The following ATP13A4 variants were observed in gnomAD, a reference collection of about 807,000 sequenced individuals.
ATP13A4 encodes probable cation-transporting ATPase 13A4.
ATP13A4 carries 114 observed loss-of-function variants against 142.5 expected under a neutral mutation model. That is an observed-to-expected ratio of 0.80 (90% confidence interval 0.69 to 0.93). The LOEUF is 0.93. ATP13A4 is among the 40% of genes least tolerant of loss of function. The pLI, the probability that ATP13A4 is intolerant of heterozygous loss-of-function variation, is 0.00. For synonymous variants in ATP13A4, 488 were observed against 514.8 expected, an observed-to-expected ratio of 0.95 and a Z score of 0.70; for missense variants, 1,392 against 1,454.0, an observed-to-expected ratio of 0.96 and a Z score of 0.69.
chr3:193,524,505 G>A (rs1721893849), intron 1 of ATP13A4, among the ~76,000 whole-genome samples: 2 of 152,240 alleles, frequency 1.3e-5, no homozygotes, highest in Admixed American at 1.3e-4. Context: ...AAATCTGAGA[G>A]GTGTAAGACA....
At chr3:193,585,668 T>C (rs1287373286) in intron 1 of ATP13A4, among the ~76,000 whole-genome samples, 1 of 152,172 alleles carries the variant, frequency 6.6e-6, no homozygotes, top group Non-Finnish European at 1.5e-5. Context: ...TGTTGTTACA[T>C]GTATCCGCAG....
At chr3:193,416,061 T>A (rs1560172196) in intron 25 of ATP13A4, among the ~76,000 whole-genome samples, 1 of 152,206 alleles carries the variant, frequency 6.6e-6, no homozygotes, top group Non-Finnish European at 1.5e-5. Flanking sequence ...TTTGTTTGTT[T>A]GTTTGTTTGT....
intron 1 of ATP13A4, among the ~76,000 whole-genome samples, chr3:193,583,830 C>A (rs897112945): frequency 2.0e-5 from 3 of 152,004 alleles, no homozygotes; most frequent in African/African-American, 7.2e-5. Flanking sequence ...AGTGTCACTG[C>A]AAAACAAAAT....
chr3:193,534,722 G>A (rs1250234298), intron 1 of ATP13A4, among the ~76,000 whole-genome samples: 1 of 152,012 alleles, frequency 6.6e-6, no homozygotes, highest in East Asian at 1.9e-4. Flanking sequence ...GCACCTCAGA[G>A]GTCTGTGAGA....
At chr3:193,588,233 A>G (rs1724702284) in intron 1 of ATP13A4, among the ~76,000 whole-genome samples, 1 of 152,192 alleles carries the variant, frequency 6.6e-6, no homozygotes, top group South Asian at 2.1e-4. Flanking sequence ...ATGTGACCCA[A>G]AGCTTCACCT....
At chr3:193,572,925 C>T (rs183789484) in intron 2 of ATP13A4, among the ~76,000 whole-genome samples, 4 of 148,086 alleles carry the variant, frequency 2.7e-5, no homozygotes, top group Non-Finnish European at 4.4e-5. Context: ...CTCAGGAGTT[C>T]GAGACCAACC....
chr3:193,438,977 G>T (rs1716463553), intron 22 of ATP13A4, 46 bp downstream of exon 22: 2 of 1,552,636 alleles, frequency 1.3e-6, no homozygotes, highest in Non-Finnish European at 1.8e-6. Flanking sequence ...GGGCTTAAGT[G>T]TAATCGAATG....
chr3:193,453,348 T>C (rs1467693477), intron 17 of ATP13A4, among the ~76,000 whole-genome samples: 1 of 152,142 alleles, frequency 6.6e-6, no homozygotes, highest in East Asian at 1.9e-4. Context: ...TTCCCAAATG[T>C]AAAATCCTAA....
chr3:193,479,732 A>G (rs900631931), intron 8 of ATP13A4, among the ~76,000 whole-genome samples: 1 of 152,226 alleles, frequency 6.6e-6, no homozygotes, highest in Non-Finnish European at 1.5e-5. Context: ...CCATGAAAAT[A>G]CCATCATCAT....
chr3:193,573,049 G>C (rs1437164868), intron 2 of ATP13A4, among the ~76,000 whole-genome samples: 4 of 140,604 alleles, frequency 2.8e-5, no homozygotes, highest in East Asian at 2.1e-4. Context: ...GCAGGGGTTG[G>C]GGGGAGGGGA....
At chr3:193,572,021 C>A (rs962173787) in intron 2 of ATP13A4, among the ~76,000 whole-genome samples, 3 of 152,102 alleles carry the variant, frequency 2.0e-5, no homozygotes, top group Middle Eastern at 3.2e-3. Flanking sequence ...CCCAAGCAGG[C>A]AGATGGCTTG....
In ATP13A4 at chr3:193,463,856, CT is replaced by C. The variant is rs1335434601; in HGVS notation, c.1462-1034del. Among the ~76,000 whole-genome samples the C allele has an allele frequency of 2.0e-5, 3 of 152,074 alleles. No homozygotes were observed. The East Asian group carries it at 5.8e-4, about 29-fold the overall frequency. ...TGTTGACTTTCTGTTCTTGGTAGATCTTTCTGATATTCCAATAACTATAAAA... is the reference window on the plus strand; with the variant it reads ...TGTTGACTTTCTGTTCTTGGTAGATCTTCTGATATTCCAATAACTATAAAA... On this transcript the variant is annotated intron_variant, in intron 12 of 29. Transcript: ENST00000342695.
chr3:193,414,486 G>A, intron 26 of ATP13A4, 93 bp downstream of exon 26: 1 of 1,468,644 alleles, frequency 6.8e-7, no homozygotes, highest in Non-Finnish European at 9.4e-7. Flanking sequence ...ACCTTTGGCA[G>A]AATGAAGACC....
At chr3:193,490,748 G>C (rs796902585) in intron 6 of ATP13A4, among the ~76,000 whole-genome samples, 2 of 152,178 alleles carry the variant, frequency 1.3e-5, no homozygotes, top group African/African-American at 4.8e-5. Context: ...GAAAGTACCT[G>C]AAGTTTAGTA....
At chr3:193,437,105 A>AAG (rs1183675294) in intron 23 of ATP13A4, among the ~76,000 whole-genome samples, 1 of 136,552 alleles carries the variant, frequency 7.3e-6, no homozygotes, top group Non-Finnish European at 1.5e-5. Context: ...CTCCGTCTCA[A>AAG]AAAAAAAAAA....
chr3:193,534,515 A>G (rs567771615), intron 1 of ATP13A4, among the ~76,000 whole-genome samples: 1 of 152,334 alleles, frequency 6.6e-6, no homozygotes, highest in East Asian at 1.9e-4. Flanking sequence ...ATATCTCAGA[A>G]AAGTAATAGA....
intron 1 of ATP13A4, among the ~76,000 whole-genome samples, chr3:193,540,277 T>C (rs1722814808): frequency 6.6e-6 from 1 of 151,984 alleles, no homozygotes; most frequent in African/African-American, 2.4e-5. Flanking sequence ...TCTTGGAAAT[T>C]CCTTGAAGAA....
At chr3:193,543,040 T>C (rs905295880) in intron 1 of ATP13A4, among the ~76,000 whole-genome samples, 11 of 151,928 alleles carry the variant, frequency 7.2e-5, no homozygotes, top group East Asian at 3.9e-4. Context: ...TGGTGGTGGA[T>C]GCCTGTAGTC....
intron 1 of ATP13A4, among the ~76,000 whole-genome samples, chr3:193,542,615 T>C (rs1722994248): frequency 6.6e-6 from 1 of 152,150 alleles, no homozygotes; most frequent in Admixed American, 6.5e-5. Flanking sequence ...AGCATGGTAC[T>C]GGTACAAAAA....
Sources: allele counts gnomAD v4.1 joint callset (sites outside exome capture counted in the v4.1 genomes callset), GRCh38; gene constraint gnomAD v4.1.1; transcripts MANE v1.5; gene names NCBI Gene and HGNC (gene_info 2026-07-23, HGNC 2026-07-21).